The following CTNNBIP1 variants were observed in gnomAD, a reference collection of about 807,000 sequenced individuals.
CTNNBIP1 encodes the protein beta-catenin-interacting protein 1.
Under a neutral mutation model 11.8 loss-of-function variants are expected in CTNNBIP1, and 7 were observed. That is an observed-to-expected ratio of 0.60 (90% CI 0.34 to 1.12). The LOEUF is 1.12. Among genes scored for constraint, CTNNBIP1 ranks in the 50% most tolerant of loss-of-function variants. The probability of loss-of-function intolerance (pLI) is 0.03; values close to 1 mark genes in which losing one functional copy is unlikely to be tolerated. For missense variants in CTNNBIP1, 101 were observed against 113.4 expected (o/e 0.89, Z 0.50); for synonymous variants, 58 against 43.9 (o/e 1.32, Z -1.26).
chr1:9,883,917 A>G lies in CTNNBIP1; in HGVS notation c.-143-179T>C, dbSNP rs147291986. 6.6e-6 allele frequency among the ~76,000 whole-genome samples: 1 copy of G among 152,236 alleles called. No homozygotes were observed. Among genetic ancestry groups the G allele is most frequent in the East Asian group, 1.9e-4 (1 of 5,176 alleles). Reference sequence around the variant, plus strand: ...GGGAGCTCAGGGGAGGTCACCACCCAAACAGTCAAGGAGGAAGAAGGTGGG... The same window carrying G: ...GGGAGCTCAGGGGAGGTCACCACCCGAACAGTCAAGGAGGAAGAAGGTGGG... On this transcript the variant is annotated intron_variant, in intron 1 of 5. Coordinates refer to ENST00000377263, the MANE Select transcript of CTNNBIP1 (RefSeq NM_020248.3). The surrounding 1 kb of genome is among the most constrained non-coding windows in gnomAD (Gnocchi z 5.6).
At chr1:9,857,787 C>A (rs958204573) in intron 5 of CTNNBIP1, among the ~76,000 whole-genome samples, 15 of 152,148 alleles carry the variant, frequency 9.9e-5, no homozygotes, top group African/African-American at 2.7e-4. Context: ...GACGACAGAC[C>A]AAGATTCCGT....
In CTNNBIP1 at chr1:9,852,955, AGT is replaced by A. The variant is rs542320484; in HGVS notation, c.188-2181_188-2180del. On this transcript the variant is annotated intron_variant, in intron 5 of 5. Coordinates refer to ENST00000377263, the MANE Select transcript of CTNNBIP1 (RefSeq NM_020248.3). ...GGACTCCCGACTCCACAGCCTGCCC[AGT>A]GTGTGTGCCTGTCCTGCGCTCTGAG... Among the ~76,000 whole-genome samples, 21 of 152,246 alleles carry A rather than the reference AGT, an allele frequency of 1.4e-4. No homozygotes were observed. In the East Asian group the frequency reaches 3.7e-3, roughly 27 times the overall value.
At chr1:9,892,377 G>A (rs1056862427) in intron 1 of CTNNBIP1, among the ~76,000 whole-genome samples, 20 of 148,922 alleles carry the variant, frequency 1.3e-4, no homozygotes, top group African/African-American at 3.0e-4. Context: ...AGCCGAGATC[G>A]CGCCACTGCA....
At chr1:9,881,118 C>A (rs1639071342) in intron 2 of CTNNBIP1, among the ~76,000 whole-genome samples, 1 of 152,106 alleles carries the variant, frequency 6.6e-6, no homozygotes, top group African/African-American at 2.4e-5. Context: ...TCACTGCAGC[C>A]TTGAACTCCC....
chr1:9,882,724 G>C (rs1327704091), intron 2 of CTNNBIP1, among the ~76,000 whole-genome samples: 1 of 152,080 alleles, frequency 6.6e-6, no homozygotes, highest in African/African-American at 2.4e-5. Flanking sequence ...AGGAGTGTAA[G>C]AGTGGGGCTG....
intron 5 of CTNNBIP1, among the ~76,000 whole-genome samples, chr1:9,868,783 C>A (rs982840831): frequency 2.0e-5 from 3 of 152,108 alleles, no homozygotes; most frequent in African/African-American, 7.2e-5. Context: ...CTACTGGCAC[C>A]TGCCACCATG....
intron 1 of CTNNBIP1, among the ~76,000 whole-genome samples, chr1:9,897,538 G>C (rs755740497): frequency 1.3e-5 from 2 of 152,194 alleles, no homozygotes; most frequent in Non-Finnish European, 1.5e-5. Context: ...TGTAATCCCA[G>C]CTACTCAGGA....
rs1638775756 is a variant in CTNNBIP1 at position 9,867,676 on chromosome 1, A to G, written c.187+3511T>C. On this transcript the variant is annotated intron_variant, in intron 5 of 5. Transcript: ENST00000377263. This position sits in a 1 kb window ranked among gnomAD's most constrained non-coding sequence, Gnocchi z 4.6. ...GCGCCACCTAGTGGGCAGGAGGTGCACGCCAGGCCATTACCCACAGGCTCC... is the reference window on the plus strand; with the variant it reads ...GCGCCACCTAGTGGGCAGGAGGTGCGCGCCAGGCCATTACCCACAGGCTCC... Among the ~76,000 whole-genome samples the G allele has an allele frequency of 6.6e-6, 1 of 152,176 alleles. No homozygotes were observed. Among genetic ancestry groups the G allele is most frequent in the Non-Finnish European group, 1.5e-5 (1 of 68,022 alleles).
At chr1:9,887,679 G>A (rs1265378309) in intron 1 of CTNNBIP1, among the ~76,000 whole-genome samples, 1 of 150,528 alleles carries the variant, frequency 6.6e-6, no homozygotes, top group South Asian at 2.2e-4. Context: ...CTCCAACCTG[G>A]CAAAAGAGCA....
intron 1 of CTNNBIP1, among the ~76,000 whole-genome samples, chr1:9,885,185 G>C (rs537592462): frequency 2.0e-5 from 3 of 152,148 alleles, no homozygotes; most frequent in Admixed American, 6.5e-5. Context: ...GCAGACAACA[G>C]GGAGCGCACT....
intron 5 of CTNNBIP1, among the ~76,000 whole-genome samples, chr1:9,866,159 G>A (rs1638738982): frequency 6.6e-6 from 1 of 152,250 alleles, no homozygotes; most frequent in Admixed American, 6.5e-5. Context: ...GACAGTGTGG[G>A]TGTAGCACAG....
At chr1:9,887,834 A>T (rs937922034) in intron 1 of CTNNBIP1, among the ~76,000 whole-genome samples, 1 of 151,678 alleles carries the variant, frequency 6.6e-6, no homozygotes, top group Non-Finnish European at 1.5e-5. Context: ...AAATTAATTA[A>T]TTATTTTTGA....
chr1:9,871,265 C>A lies in CTNNBIP1; in HGVS notation c.109G>T (p.Glu37Ter). Residue 37 changes from glutamate to a stop codon, truncating the protein, a stop_gained, in exon 5 of 6, where the codon GAG becomes TAG. Transcript: ENST00000377263. LOFTEE classifies it high-confidence loss of function. This position sits in a 1 kb window ranked among gnomAD's most constrained non-coding sequence, Gnocchi z 5.2. ...GCATAGGTGCGCAGGAACTCCTCCT[C>A]GCTGGCTGTCAGCTGCAGGGTGAGA... Reference protein sequence around the residue: ...RKMGSNLTASEEEFLRTYAGV... With the variant: ...RKMGSNLTAS The A allele has an allele frequency of 6.4e-7, 1 of 1,569,992 alleles. No homozygotes were observed.
At chr1:9,858,046 C>A (rs1638545061) in intron 5 of CTNNBIP1, among the ~76,000 whole-genome samples, 1 of 152,116 alleles carries the variant, frequency 6.6e-6, no homozygotes, top group African/African-American at 2.4e-5. Context: ...CTGGGGTCTT[C>A]CCAACCCCTC....
In CTNNBIP1 at chr1:9,867,117, AG is replaced by A. The variant is rs1014751198; in HGVS notation, c.187+4069del. ...ACTGCGTGTGGAACAGGGAGAAGAG[AG>A]GGGGCAACCCTGGAGGATGACAGCC... is the stretch of plus-strand genomic sequence containing the variant. On this transcript the variant is annotated intron_variant, in intron 5 of 5. Coordinates refer to ENST00000377263, the MANE Select transcript of CTNNBIP1 (RefSeq NM_020248.3). The surrounding 1 kb of genome is among the most constrained non-coding windows in gnomAD (Gnocchi z 4.6). 1.3e-5 allele frequency among the ~76,000 whole-genome samples: 2 copies of A among 152,124 alleles called. No individual in the cohort carries two copies. Among genetic ancestry groups the A allele is most frequent in the Non-Finnish European group, 2.9e-5 (2 of 67,994 alleles).
intron 1 of CTNNBIP1, among the ~76,000 whole-genome samples, chr1:9,894,833 C>T (rs1018491601): frequency 2.6e-5 from 4 of 151,564 alleles, no homozygotes; most frequent in Non-Finnish European, 5.9e-5. Context: ...TTCCGCCTCC[C>T]GGGTTCAAGA....
rs1638365178 is a variant in CTNNBIP1, at chr1:9,850,746, C to T, written c.218G>A (p.Arg73Lys). 1 of 1,613,796 alleles carries T rather than the reference C, an allele frequency of 6.2e-7. No homozygotes were observed. The highest frequency in any genetic ancestry group is 1.7e-5 in the Admixed American group (1 of 60,004). The change falls in exon 6 of 6, where the codon AGG (arginine) becomes AAG (lysine). Residue 73 changes from arginine (R) to lysine (K), a missense_variant. Coordinates refer to ENST00000377263, the MANE Select transcript of CTNNBIP1 (RefSeq NM_020248.3). ...GAEDVVMAFSRSETEDRRQ is the reference protein window; with the variant it reads ...GAEDVVMAFSKSETEDRRQ The stretch of plus-strand genomic sequence containing the variant: ...CTGCCTCCGGTCTTCCGTCTCCGAC[C>T]TGGAAAACGCCATCACCACGTCCTC...
chr1:9,856,926 C>A (rs1261568248), intron 5 of CTNNBIP1, among the ~76,000 whole-genome samples: 2 of 149,756 alleles, frequency 1.3e-5, no homozygotes, highest in Non-Finnish European at 3.0e-5. Context: ...AGTTCGAGAC[C>A]AGTCTGGCCA....
chr1:9,875,383 T>G (rs1638946217), intron 3 of CTNNBIP1, among the ~76,000 whole-genome samples: 1 of 152,348 alleles, frequency 6.6e-6, no homozygotes, highest in Admixed American at 6.5e-5. Context: ...CAAAGACTGC[T>G]TCCATCACAG....
Sources: allele counts gnomAD v4.1 joint callset (sites outside exome capture counted in the v4.1 genomes callset), GRCh38; gene constraint gnomAD v4.1.1; non-coding constraint Gnocchi (gnomAD v3.1); transcripts MANE v1.5; gene names NCBI Gene and HGNC (gene_info 2026-07-23, HGNC 2026-07-21).